The following MARCHF1 variants were observed in gnomAD, a reference collection of about 807,000 sequenced individuals.
MARCHF1 encodes membrane associated ring-CH-type finger 1, also known as E3 ubiquitin-protein ligase MARCHF1.
A neutral mutation model predicts 54.2 loss-of-function variants in MARCHF1; 40 were observed. The ratio of observed to expected loss-of-function variants is 0.74; its 90% CI spans 0.57 to 0.96. The LOEUF is 0.96. MARCHF1 is among the 40% of genes least tolerant of loss of function. The probability of loss-of-function intolerance (pLI) is 0.00; values close to 1 mark genes in which losing one functional copy is unlikely to be tolerated. For synonymous variants in MARCHF1, 236 were observed against 236.3 expected, an observed-to-expected ratio of 1.00 and a Z score of 0.01; for missense variants, 586 against 656.5, an observed-to-expected ratio of 0.89 and a Z score of 1.17.
At chr4:164,197,262 C>T in intron 1 of MARCHF1, 1 of 1,611,162 alleles carries the variant, frequency 6.2e-7, no homozygotes. Context: ...AGTAAGGGGC[C>T]TCCTTGTGGT....
intron 1 of MARCHF1, among the ~76,000 whole-genome samples, chr4:164,320,520 A>G (rs188821879): frequency 2.1e-3 from 323 of 152,324 alleles, no homozygotes; most frequent in Non-Finnish European, 3.9e-3. Context: ...TGAGAGACAC[A>G]GCAAGAAAAC....
At chr4:164,223,152 T>C (rs541024099) in intron 1 of MARCHF1, among the ~76,000 whole-genome samples, 54 of 152,024 alleles carry the variant, frequency 3.6e-4, no homozygotes, top group Non-Finnish European at 6.6e-4. Context: ...TGGGGATTAT[T>C]ACAATTCAAG....
At chr4:164,034,018 C>T (rs533668631) in intron 2 of MARCHF1, among the ~76,000 whole-genome samples, 2 of 151,728 alleles carry the variant, frequency 1.3e-5, no homozygotes, top group Non-Finnish European at 2.9e-5. Context: ...AGGCATGGAA[C>T]CAACTCAAAT....
intron 4 of MARCHF1, among the ~76,000 whole-genome samples, chr4:163,755,082 T>G (rs1746628190): frequency 6.6e-6 from 1 of 152,182 alleles, no homozygotes; most frequent in African/African-American, 2.4e-5. Flanking sequence ...GGTGTGGTGG[T>G]GGTGCCACCT....
At chr4:164,232,519 C>T (rs113707801) in intron 1 of MARCHF1, among the ~76,000 whole-genome samples, 191 of 152,230 alleles carry the variant, frequency 1.3e-3, no homozygotes, top group African/African-American at 4.4e-3. Flanking sequence ...GTCTCTCATA[C>T]CCTGAAGGTT....
chr4:164,293,019 G>A (rs1028079678), intron 1 of MARCHF1, among the ~76,000 whole-genome samples: 13 of 151,968 alleles, frequency 8.6e-5, no homozygotes, highest in African/African-American at 2.7e-4. Flanking sequence ...TGAAAGTCAC[G>A]TTGGTTCATG....
intron 8 of MARCHF1, among the ~76,000 whole-genome samples, chr4:163,579,732 G>A (rs1037785293): frequency 6.6e-6 from 1 of 152,110 alleles, no homozygotes; most frequent in Admixed American, 6.6e-5. Context: ...AGCATTATAG[G>A]AAAGCTGTGT....
chr4:164,172,478 C>A (rs1730552019), intron 1 of MARCHF1, among the ~76,000 whole-genome samples: 1 of 152,216 alleles, frequency 6.6e-6, no homozygotes, highest in Admixed American at 6.5e-5. Flanking sequence ...TTGCAAGTTA[C>A]AAGTTATGTA....
At chr4:164,101,202 GC>G in intron 2 of MARCHF1, among the ~76,000 whole-genome samples, 1 of 152,324 alleles carries the variant, frequency 6.6e-6, no homozygotes, top group South Asian at 2.1e-4. Flanking sequence ...ACCCGCCATT[GC>G]CCAGGCTTGA....
At chr4:163,875,492 C>T (rs752169669) in intron 3 of MARCHF1, among the ~76,000 whole-genome samples, 3 of 151,944 alleles carry the variant, frequency 2.0e-5, no homozygotes, top group Non-Finnish European at 2.9e-5. Context: ...ATTACATTCC[C>T]TGCCACAACA....
intron 1 of MARCHF1, among the ~76,000 whole-genome samples, chr4:164,199,366 G>A (rs1731373209): frequency 6.6e-6 from 1 of 152,144 alleles, no homozygotes; most frequent in Non-Finnish European, 1.5e-5. Flanking sequence ...TCTACACCAG[G>A]CAGGGTGGCT....
intron 4 of MARCHF1, among the ~76,000 whole-genome samples, chr4:163,802,518 T>G (rs1387779050): frequency 6.6e-6 from 1 of 152,206 alleles, no homozygotes; most frequent in Non-Finnish European, 1.5e-5. Context: ...AACCATTCCC[T>G]TTTTAATCCT....
chr4:163,885,080 A>T (rs1750497761), intron 3 of MARCHF1, among the ~76,000 whole-genome samples: 1 of 152,216 alleles, frequency 6.6e-6, no homozygotes. Flanking sequence ...AGGAAAAAAC[A>T]ATATGTGTAT....
At chr4:164,311,644 A>T (rs1320652699) in intron 1 of MARCHF1, among the ~76,000 whole-genome samples, 1 of 152,148 alleles carries the variant, frequency 6.6e-6, no homozygotes, top group African/African-American at 2.4e-5. Flanking sequence ...AATCTTGGTG[A>T]TTATCTTTTT....
At chr4:163,643,046 C>T (rs1481321214) in intron 5 of MARCHF1, among the ~76,000 whole-genome samples, 2 of 151,324 alleles carry the variant, frequency 1.3e-5, no homozygotes, top group Admixed American at 1.3e-4. Context: ...GGCGCAGTGG[C>T]TCATGCCTGT....
At chr4:163,760,130 T>C (rs1196437680) in intron 4 of MARCHF1, among the ~76,000 whole-genome samples, 1 of 152,156 alleles carries the variant, frequency 6.6e-6, no homozygotes, top group African/African-American at 2.4e-5. Context: ...TATTCCAGCT[T>C]CAGGAGGCCA....
chr4:164,104,191 G>A (rs1200414145), intron 2 of MARCHF1, among the ~76,000 whole-genome samples: 2 of 145,294 alleles, frequency 1.4e-5, no homozygotes, highest in Non-Finnish European at 3.0e-5. Flanking sequence ...GAGGTACAAG[G>A]AGGAACTGAT....
At chr4:163,846,508 CACTGGTAAATATTA>C (rs1332017077) in intron 4 of MARCHF1, among the ~76,000 whole-genome samples, 7 of 151,974 alleles carry the variant, frequency 4.6e-5, no homozygotes, top group African/African-American at 1.4e-4. Flanking sequence ...AGGAGGATGT[CACTGGTAAATATTA>C]ACTGGTAAAT....
intron 3 of MARCHF1, among the ~76,000 whole-genome samples, chr4:163,936,003 C>T (rs1751786613): frequency 6.6e-6 from 1 of 152,112 alleles, no homozygotes; most frequent in Non-Finnish European, 1.5e-5. Flanking sequence ...TTTTCTTTCA[C>T]TTGAACACTT....
Sources: gnomAD v4.1 joint callset for allele counts (sites outside exome capture counted in the v4.1 genomes callset) on GRCh38, gnomAD v4.1.1 for gene constraint, MANE v1.5 for transcripts, NCBI Gene and HGNC (gene_info 2026-07-23, HGNC 2026-07-21) for gene names.